SLCO1A2: variants seen among roughly 807,000 people sequenced by gnomAD.
SLCO1A2 encodes solute carrier organic anion transporter family member 1A2.
SLCO1A2 carries 67 observed loss-of-function variants against 69.0 expected under a neutral mutation model. That is an observed-to-expected ratio of 0.97 (90% CI 0.80 to 1.19). The LOEUF is 1.19. Ranked by LOEUF, SLCO1A2 falls within the 50% of genes most tolerant of loss-of-function variation. The pLI is 0.00. For missense variants in SLCO1A2, 787 were observed against 793.7 expected, an observed-to-expected ratio of 0.99 and a Z score of 0.10; for synonymous variants, 260 against 265.9, an observed-to-expected ratio of 0.98 and a Z score of 0.22.
chr12:21,297,164 G>A (rs1180251073), intron 9 of SLCO1A2, among the ~76,000 whole-genome samples: 2 of 151,890 alleles, frequency 1.3e-5, no homozygotes, highest in Admixed American at 6.6e-5. Context: ...AGAAAATCAA[G>A]GTATTTCTGA....
chr12:21,348,826 TAATAC>T (rs1227838723), intron 2 of SLCO1A2, among the ~76,000 whole-genome samples: 3 of 152,200 alleles, frequency 2.0e-5, no homozygotes, highest in Non-Finnish European at 2.9e-5. Context: ...CTACTCTGAA[TAATAC>T]AATAGCGGGC....
chr12:21,281,337 C>T lies in SLCO1A2; in HGVS notation c.1611-5913G>A, dbSNP rs187069196. Among the ~76,000 whole-genome samples the T allele has an allele frequency of 1.4e-3, 210 of 152,144 alleles. 1 individual carries two copies. Among genetic ancestry groups the T allele is most frequent in the Middle Eastern group, 3.4e-3 (1 of 294 alleles). On this transcript the variant is annotated intron_variant, in intron 12 of 14. Coordinates refer to ENST00000683939, the MANE Select transcript of SLCO1A2 (RefSeq NM_001386879.1). Reference sequence around the variant, plus strand: ...TGGTGGTGTGAGACTGTAGTCCCAACTTCTCAGGAGGCTGAGGCAGAAGAA... The same window carrying T: ...TGGTGGTGTGAGACTGTAGTCCCAATTTCTCAGGAGGCTGAGGCAGAAGAA...
chr12:21,287,968 A>G (rs553913329), intron 12 of SLCO1A2, among the ~76,000 whole-genome samples: 34 of 141,564 alleles, frequency 2.4e-4, no homozygotes, highest in African/African-American at 7.5e-4. Flanking sequence ...ATATGTAACT[A>G]ACCTGCACAA....
At chr12:21,332,792 A>G (rs569497104) in intron 2 of SLCO1A2, among the ~76,000 whole-genome samples, 1 of 152,220 alleles carries the variant, frequency 6.6e-6, no homozygotes, top group South Asian at 2.1e-4. Context: ...TTTGTGACCT[A>G]ATCACCTCTC....
intron 1 of SLCO1A2, among the ~76,000 whole-genome samples, chr12:21,387,204 G>A (rs117520264): frequency 2.0e-3 from 300 of 152,330 alleles, no homozygotes; most frequent in Non-Finnish European, 3.4e-3. Context: ...GCCTGACATT[G>A]CAGTAGAAAA....
intron 2 of SLCO1A2, chr12:21,324,473 A>G (rs1265044349): frequency 6.6e-6 from 1 of 152,218 alleles, no homozygotes; most frequent in Non-Finnish European, 1.5e-5. Context: ...ACCTGCAAAT[A>G]TGTTATTCTA....
intron 12 of SLCO1A2, among the ~76,000 whole-genome samples, chr12:21,280,436 T>C (rs1944580465): frequency 1.3e-5 from 2 of 152,154 alleles, no homozygotes; most frequent in South Asian, 2.1e-4. Flanking sequence ...GCATTACTTA[T>C]ATCAGACAAA....
chr12:21,324,517 A>G (rs1565499621), intron 2 of SLCO1A2: 1 of 152,188 alleles, frequency 6.6e-6, no homozygotes, highest in Non-Finnish European at 1.5e-5. Flanking sequence ...AGTGTCTCCA[A>G]TTGTCCTGTT....
chr12:21,350,885 G>A (rs868114115), intron 2 of SLCO1A2, among the ~76,000 whole-genome samples: 1 of 148,040 alleles, frequency 6.8e-6, no homozygotes, highest in African/African-American at 2.5e-5. Context: ...TCTGGGAGGT[G>A]AAATTAGATT....
chr12:21,360,233 T>G (rs1464106584), intron 2 of SLCO1A2, among the ~76,000 whole-genome samples: 1 of 152,176 alleles, frequency 6.6e-6, no homozygotes, highest in African/African-American at 2.4e-5. Flanking sequence ...TTACATTGAT[T>G]GTGGTGATGG....
At chr12:21,305,819 A>G (rs1157538222) in intron 5 of SLCO1A2, among the ~76,000 whole-genome samples, 1 of 152,256 alleles carries the variant, frequency 6.6e-6, no homozygotes, top group Non-Finnish European at 1.5e-5. Flanking sequence ...TCCTGACTCA[A>G]TGATGGTCAT....
chr12:21,276,675 C>G (rs1276021927), intron 12 of SLCO1A2, among the ~76,000 whole-genome samples: 1 of 152,074 alleles, frequency 6.6e-6, no homozygotes, highest in Non-Finnish European at 1.5e-5. Context: ...ATTGCCAACA[C>G]CAGCCCTCCC....
chr12:21,346,539 G>A (rs1953258778), intron 2 of SLCO1A2, among the ~76,000 whole-genome samples: 1 of 151,630 alleles, frequency 6.6e-6, no homozygotes, highest in Admixed American at 6.6e-5. Flanking sequence ...AAAAACATAT[G>A]TGGAACAATG....
At position 21,313,289 on chromosome 12, in the gene SLCO1A2, T is replaced by C. The variant is rs1235609115; in HGVS notation, c.335+1260A>G. 2.6e-5 allele frequency among the ~76,000 whole-genome samples: 4 copies of C among 152,218 alleles called. No homozygotes were observed. In the East Asian group the frequency reaches 7.7e-4, roughly 29 times the overall value. ...CATGCTGTTGGAAAAATGATTCTAA[T>C]CTTCAACGTAGGGTTGCAATAAACC... is the stretch of plus-strand genomic sequence containing the variant. On this transcript the variant is annotated intron_variant, in intron 4 of 14. Transcript: ENST00000683939.
chr12:21,352,241 C>A (rs1237802228), intron 2 of SLCO1A2, among the ~76,000 whole-genome samples: 1 of 152,026 alleles, frequency 6.6e-6, no homozygotes, highest in African/African-American at 2.4e-5. Flanking sequence ...TCTGGAAATG[C>A]GAAGAGAGGA....
At chr12:21,315,208 T>C (rs58587133) in intron 3 of SLCO1A2, among the ~76,000 whole-genome samples, 1,970 of 152,328 alleles carry the variant, frequency 0.013, 39 homozygotes, top group African/African-American at 0.044. Flanking sequence ...GGGATCTATT[T>C]TTTTTCTACT....
chr12:21,280,215 A>T (rs548498841), intron 12 of SLCO1A2, among the ~76,000 whole-genome samples: 39 of 152,290 alleles, frequency 2.6e-4, no homozygotes, highest in African/African-American at 9.4e-4. Flanking sequence ...ACAAAATGGC[A>T]GCAGTAAGAC....
intron 2 of SLCO1A2, among the ~76,000 whole-genome samples, chr12:21,343,403 T>C (rs951050820): frequency 3.3e-5 from 5 of 152,140 alleles, no homozygotes; most frequent in African/African-American, 1.2e-4. Context: ...TCTTATTGCT[T>C]ATATTCATCT....
chr12:21,369,701 G>C (rs930185563), intron 2 of SLCO1A2, among the ~76,000 whole-genome samples: 29 of 152,290 alleles, frequency 1.9e-4, no homozygotes, highest in Non-Finnish European at 4.3e-4. Flanking sequence ...TGATAGAGTG[G>C]ATCCAAGGTG....
Sources: gnomAD v4.1 joint callset for allele counts (sites outside exome capture counted in the v4.1 genomes callset) on GRCh38, gnomAD v4.1.1 for gene constraint, MANE v1.5 for transcripts, NCBI Gene and HGNC (gene_info 2026-07-23, HGNC 2026-07-21) for gene names.